Variants in STK10 observed in about 807,000 individuals in gnomAD.
STK10 encodes serine/threonine kinase 10.
STK10 carries 78 observed loss-of-function variants against 113.8 expected under a neutral mutation model. That is an observed-to-expected ratio of 0.69 (90% CI 0.57 to 0.83). The LOEUF (loss-of-function observed/expected upper bound fraction) is 0.83. Ranked by LOEUF, STK10 falls within the 40% of genes least tolerant of loss-of-function variation. STK10 has a pLI of 0.00. For synonymous variants in STK10, 465 were observed against 494.7 expected (o/e 0.94, Z 0.80); for missense variants, 1,109 against 1,280.1 (o/e 0.87, Z 2.04).
At chr5:172,053,273 G>T in intron 17 of STK10, 2 of 462,574 alleles carry the variant, frequency 4.3e-6, no homozygotes, top group Non-Finnish European at 7.8e-6. Context: ...GTGGTGGGGA[G>T]GTATAGTAAA....
At chr5:172,048,681 TCCTGACTG>T (rs1767556479) in intron 18 of STK10, among the ~76,000 whole-genome samples, 1 of 152,130 alleles carries the variant, frequency 6.6e-6, no homozygotes, top group African/African-American at 2.4e-5. Flanking sequence ...CACAATGGTT[TCCTGACTG>T]GTCTCTCTGC....
In STK10 at chr5:172,059,787, C is replaced by CA. The variant is rs1291119498; in HGVS notation, c.2212+1351dup. ...GGACCCCCTCAGCGTGTCAACTTGT[C>CA]AAAATGCCCCCCAAGCAAAGCTGCT... is the stretch of plus-strand genomic sequence containing the variant. On this transcript the variant is annotated intron_variant, in intron 14 of 18. Coordinates refer to ENST00000176763, the MANE Select transcript of STK10 (RefSeq NM_005990.4). 3.9e-5 allele frequency among the ~76,000 whole-genome samples: 6 copies of CA among 152,264 alleles called. No homozygotes were observed. In the South Asian group the frequency reaches 1.0e-3, roughly 26 times the overall value.
intron 2 of STK10, among the ~76,000 whole-genome samples, chr5:172,130,547 C>T (rs940753934): frequency 1.3e-5 from 2 of 150,192 alleles, no homozygotes; most frequent in African/African-American, 4.9e-5. Context: ...AAAAAAAAAC[C>T]GAAAAACCCA....
At chr5:172,095,023 G>A (rs191849860) in intron 8 of STK10, among the ~76,000 whole-genome samples, 1 of 152,140 alleles carries the variant, frequency 6.6e-6, no homozygotes, top group Non-Finnish European at 1.5e-5. Flanking sequence ...TGCCCCAGAG[G>A]GCCATCCCCT....
intron 5 of STK10, among the ~76,000 whole-genome samples, chr5:172,107,445 G>A (rs527882056): frequency 7.2e-5 from 11 of 152,220 alleles, no homozygotes; most frequent in African/African-American, 1.9e-4. Flanking sequence ...CCCCATCCCC[G>A]GCCCTCAATA....
In STK10 at chr5:172,105,649, C is replaced by T. The variant is rs761124411; in HGVS notation, c.870+7G>A. On this transcript the variant is annotated splice_region_variant and intron_variant, in intron 7 of 18. Transcript: ENST00000176763. ...CAGGGAGCAGAGTGGGAGGGGAATC[C>T]ACTCACCTCCAGCAGCTGCGCGGCA... The T allele has an allele frequency of 2.5e-6, 4 of 1,613,334 alleles. No individual in the cohort carries two copies. Among genetic ancestry groups the T allele is most frequent in the South Asian group, 2.2e-5 (2 of 91,080 alleles).
chr5:172,127,143 G>A (rs1769638240), intron 3 of STK10, among the ~76,000 whole-genome samples: 1 of 152,130 alleles, frequency 6.6e-6, no homozygotes, highest in Admixed American at 6.5e-5. Flanking sequence ...CTGCATTCCA[G>A]CCTGGGCAAC....
chr5:172,061,517 T>C (rs943429251), intron 13 of STK10: 7 of 352,232 alleles, frequency 2.0e-5, no homozygotes, highest in Admixed American at 1.8e-4. Context: ...AGTGGCATGA[T>C]CTCGGCTCAC....
At chr5:172,151,547 A>G (rs1353298954) in intron 2 of STK10, among the ~76,000 whole-genome samples, 1 of 151,996 alleles carries the variant, frequency 6.6e-6, no homozygotes, top group African/African-American at 2.4e-5. Context: ...GGGTTTCACC[A>G]TATTGGCCAG....
At chr5:172,127,743 C>T (rs1011111561) in intron 2 of STK10, among the ~76,000 whole-genome samples, 1 of 152,234 alleles carries the variant, frequency 6.6e-6, no homozygotes, top group East Asian at 1.9e-4. Context: ...CCCGCCTATG[C>T]GCCTGGTGCC....
chr5:172,054,159 G>T (rs1461227772), intron 17 of STK10, among the ~76,000 whole-genome samples: 1 of 152,186 alleles, frequency 6.6e-6, no homozygotes, highest in Non-Finnish European at 1.5e-5. Flanking sequence ...AAACCCAGGG[G>T]CCAGGAAGCT....
chr5:172,136,806 C>T (rs1757132398), intron 2 of STK10, among the ~76,000 whole-genome samples: 2 of 150,566 alleles, frequency 1.3e-5, no homozygotes, highest in South Asian at 4.2e-4. Context: ...TACTGTCTTT[C>T]ATGAGAGCCT....
chr5:172,152,893 T>C (rs1770267210), intron 2 of STK10, among the ~76,000 whole-genome samples: 1 of 152,242 alleles, frequency 6.6e-6, no homozygotes, highest in Admixed American at 6.5e-5. Context: ...CATGTCAAAA[T>C]GATCATATTT....
intron 3 of STK10, among the ~76,000 whole-genome samples, chr5:172,126,189 G>C (rs1270020747): frequency 6.6e-6 from 1 of 152,334 alleles, no homozygotes; most frequent in South Asian, 2.1e-4. Context: ...GATGGGCCAT[G>C]GTCCATGGTT....
At chr5:172,048,006 C>A (rs894038997) in intron 18 of STK10, among the ~76,000 whole-genome samples, 1 of 151,022 alleles carries the variant, frequency 6.6e-6, no homozygotes, top group Non-Finnish European at 1.5e-5. Context: ...GGGTTCAAGC[C>A]ATTCTCCTGC....
intron 7 of STK10, among the ~76,000 whole-genome samples, chr5:172,097,669 A>G (rs1768890173): frequency 6.6e-6 from 1 of 152,188 alleles, no homozygotes; most frequent in Non-Finnish European, 1.5e-5. Context: ...GCTGCTGGAC[A>G]TCTGGGCTGT....
chr5:172,133,673 AG>A lies in STK10; in HGVS notation c.322-6253del, dbSNP rs1312856724. 6.6e-6 allele frequency among the ~76,000 whole-genome samples: 1 copy of A among 152,226 alleles called. No individual in the cohort carries two copies. The highest frequency in any genetic ancestry group is 1.9e-4 in the East Asian group (1 of 5,198). The stretch of plus-strand genomic sequence containing the variant: ...ACGAGAGAAGTGGGTGTGAAGACAA[AG>A]CTAATACACAGAGGAAGACAGAGAG... On this transcript the variant is annotated intron_variant, in intron 2 of 18. Coordinates refer to ENST00000176763, the MANE Select transcript of STK10 (RefSeq NM_005990.4). This position sits in a 1 kb window ranked among gnomAD's most constrained non-coding sequence, Gnocchi z 4.9.
intron 7 of STK10, among the ~76,000 whole-genome samples, chr5:172,100,151 G>A (rs987283882): frequency 2.6e-5 from 4 of 152,148 alleles, no homozygotes; most frequent in Non-Finnish European, 4.4e-5. Context: ...CTCCTCTGCC[G>A]CCAGAGATGT....
chr5:172,073,213 T>C (rs112188063), intron 12 of STK10, among the ~76,000 whole-genome samples: 3,406 of 152,126 alleles, frequency 0.022, 150 homozygotes, highest in African/African-American at 0.077. Flanking sequence ...GCAGTAGTGG[T>C]GCGATCTTGG....
Sources: gnomAD v4.1 joint callset for allele counts (sites outside exome capture counted in the v4.1 genomes callset) on GRCh38, gnomAD v4.1.1 for gene constraint, Gnocchi (gnomAD v3.1) non-coding constraint, MANE v1.5 for transcripts, NCBI Gene and HGNC (gene_info 2026-07-23, HGNC 2026-07-21) for gene names.